PKD1L1: variants seen among roughly 807,000 people sequenced by gnomAD.
PKD1L1 encodes polycystin 1 like 1, transient receptor potential channel interacting, also known as polycystin-1-like protein 1.
A neutral mutation model predicts 323.4 loss-of-function variants in PKD1L1; 236 were observed. That is an observed-to-expected ratio of 0.73 (90% CI 0.66 to 0.81). PKD1L1 has a LOEUF of 0.81. PKD1L1 is among the 40% of genes least tolerant of loss of function. The pLI is 0.00. For synonymous variants in PKD1L1, 1,344 were observed against 1,335.0 expected (o/e 1.01, Z -0.15); for missense variants, 3,320 against 3,508.0 (o/e 0.95, Z 1.35).
intron 13 of PKD1L1, 136 bp downstream of exon 13, chr7:47,902,243 T>G: frequency 3.9e-6 from 5 of 1,286,002 alleles, no homozygotes; most frequent in Non-Finnish European, 4.2e-6. Flanking sequence ...AGGCACTCCT[T>G]TGTGTAAATT....
chr7:47,877,838 A>G (rs1194706140), intron 21 of PKD1L1, among the ~76,000 whole-genome samples: 1 of 152,130 alleles, frequency 6.6e-6, no homozygotes, highest in Admixed American at 6.5e-5. Context: ...AGACTCAGTG[A>G]TAGTTTTCAC....
chr7:47,853,801 A>C (rs897562766), intron 30 of PKD1L1, among the ~76,000 whole-genome samples: 3 of 151,890 alleles, frequency 2.0e-5, no homozygotes, highest in Admixed American at 2.0e-4. Context: ...AAACCAAACA[A>C]ACACTTCAGT....
intron 56 of PKD1L1, among the ~76,000 whole-genome samples, chr7:47,781,590 T>C (rs1354004215): frequency 6.6e-6 from 1 of 151,804 alleles, no homozygotes; most frequent in South Asian, 2.1e-4. Context: ...TTTGTATTTT[T>C]AGTAGAGACG....
At chr7:47,779,738 A>C (rs1038966041) in intron 56 of PKD1L1, among the ~76,000 whole-genome samples, 1 of 152,182 alleles carries the variant, frequency 6.6e-6, no homozygotes, top group Admixed American at 6.5e-5. Context: ...GATGAGGCCA[A>C]AATCTCATTA....
intron 55 of PKD1L1, among the ~76,000 whole-genome samples, chr7:47,795,657 A>G (rs1310142746): frequency 2.0e-5 from 3 of 152,208 alleles, no homozygotes; most frequent in South Asian, 4.1e-4. Context: ...GATAGCAGGC[A>G]CCAAAAGCAA....
At chr7:47,827,242 C>T (rs1785254446) in intron 45 of PKD1L1, 108 bp downstream of exon 45, 2 of 1,011,514 alleles carry the variant, frequency 2.0e-6, no homozygotes, top group East Asian at 2.6e-5. Flanking sequence ...CTCCACTCCC[C>T]ACTCCTCCAG....
chr7:47,885,601 C>T, intron 18 of PKD1L1, 85 bp downstream of exon 18: 1 of 1,510,714 alleles, frequency 6.6e-7, no homozygotes, highest in Admixed American at 2.1e-5. Context: ...TGTGATCTCA[C>T]ACCTTACCCA....
At chr7:47,864,630 TTC>T (rs1786117021) in intron 26 of PKD1L1, among the ~76,000 whole-genome samples, 2 of 142,772 alleles carry the variant, frequency 1.4e-5, no homozygotes, top group South Asian at 4.4e-4. Flanking sequence ...CTTTCTTTCT[TTC>T]TTTCCTTCCT....
Position 47,876,121 on chromosome 7 carries a change from C to T in PKD1L1, c.3760G>A (p.Gly1254Ser). ...CCTTTGTAATTGTCCAAGTGCTCAC[C>T]AGCTGGCAACACAAAATAATACTGG... ...DTQYYFVLPA[G>S]EHLDNYKVMV... is the part of the protein sequence containing the mutation. The change falls in exon 23 of 57, where the codon GGT (glycine) becomes AGT (serine). Residue 1254 changes from glycine to serine, a missense_variant. Coordinates refer to ENST00000289672, the MANE Select transcript of PKD1L1 (RefSeq NM_138295.5). The T allele has an allele frequency of 6.2e-7, 1 of 1,614,084 alleles. No homozygotes were observed. Among genetic ancestry groups the T allele is most frequent in the Non-Finnish European group, 8.5e-7 (1 of 1,179,980 alleles).
At chr7:47,801,957 C>T (rs370609665) in intron 53 of PKD1L1, among the ~76,000 whole-genome samples, 3 of 151,886 alleles carry the variant, frequency 2.0e-5, no homozygotes, top group East Asian at 1.9e-4. Context: ...TTTGGGAGGC[C>T]GAGGCGGGCG....
chr7:47,957,411 A>AT, the PKD1L1 span: 1 of 152,268 alleles, frequency 6.6e-6, no homozygotes, highest in Non-Finnish European at 1.5e-5. Context: ...TGACACGATC[A>AT]TAAGTAGAGA....
At chr7:47,860,264 C>T (rs1785996638) in intron 26 of PKD1L1, among the ~76,000 whole-genome samples, 1 of 152,198 alleles carries the variant, frequency 6.6e-6, no homozygotes, top group South Asian at 2.1e-4. Context: ...AAGTCAGCTG[C>T]ATCACTGCTT....
At chr7:47,936,400 G>A (rs554944847) in intron 4 of PKD1L1, among the ~76,000 whole-genome samples, 91 of 152,192 alleles carry the variant, frequency 6.0e-4, no homozygotes, top group Non-Finnish European at 1.1e-3. Context: ...TAGGGACCTC[G>A]CATAAGTAGA....
chr7:47,900,730 A>AAAAT (rs1324831806), intron 13 of PKD1L1, among the ~76,000 whole-genome samples: 7 of 151,416 alleles, frequency 4.6e-5, no homozygotes, highest in East Asian at 1.9e-4. Flanking sequence ...CTCAGTCTCA[A>AAAAT]AAATAAATAA....
chr7:47,775,671 T>G (rs898720989), intron 56 of PKD1L1, among the ~76,000 whole-genome samples: 1 of 152,048 alleles, frequency 6.6e-6, no homozygotes, highest in South Asian at 2.1e-4. Context: ...AATGCCTATA[T>G]TAAAAGAAGA....
chr7:47,893,951 T>C lies in PKD1L1; in HGVS notation c.2380A>G (p.Arg794Gly). ...ISEGTHLFFSRTTSSPIVLRG... is the reference protein window; with the variant it reads ...ISEGTHLFFSGTTSSPIVLRG... ...AGGACAATGGGGGATGAGGTGGTCC[T>C]GGAGAAGAATAGGTGTGTGCCCTCG... The change falls in exon 15 of 57, where the codon AGG (arginine) becomes GGG (glycine). Residue 794 changes from arginine (R) to glycine (G), a missense_variant. Coordinates refer to ENST00000289672, the MANE Select transcript of PKD1L1 (RefSeq NM_138295.5). 6.2e-7 allele frequency: 1 copy of C among 1,613,920 alleles called. No homozygotes were observed.
intron 14 of PKD1L1, among the ~76,000 whole-genome samples, chr7:47,896,408 T>C (rs568177831): frequency 1.3e-5 from 2 of 151,216 alleles, no homozygotes; most frequent in Admixed American, 1.3e-4. Flanking sequence ...TGTTGGTCAG[T>C]TGTTGTGTCT....
intron 16 of PKD1L1, among the ~76,000 whole-genome samples, chr7:47,889,472 G>A (rs78312401): frequency 0.053 from 7,994 of 152,060 alleles, 538 homozygotes; most frequent in African/African-American, 0.16. Flanking sequence ...GTCAGTAGTC[G>A]GGGCCTGTGG....
intron 13 of PKD1L1, among the ~76,000 whole-genome samples, chr7:47,899,114 T>A (rs1269595507): frequency 1.3e-5 from 2 of 152,196 alleles, no homozygotes; most frequent in African/African-American, 4.8e-5. Context: ...CAGAAGCTTC[T>A]CTTTCTCTTT....
Sources: gnomAD v4.1 joint callset for allele counts (sites outside exome capture counted in the v4.1 genomes callset) on GRCh38, gnomAD v4.1.1 for gene constraint, MANE v1.5 for transcripts, NCBI Gene and HGNC (gene_info 2026-07-23, HGNC 2026-07-21) for gene names.